Variants in GTF2I observed in about 807,000 individuals in gnomAD.
GTF2I encodes general transcription factor IIi.
GTF2I carries 12 observed loss-of-function variants against 67.6 expected under a neutral mutation model. That is an observed-to-expected ratio of 0.18 (90% CI 0.11 to 0.29). The LOEUF (loss-of-function observed/expected upper bound fraction) is 0.29. Ranked by LOEUF, GTF2I falls within the 10% of genes least tolerant of loss-of-function variation. The pLI, the probability that GTF2I is intolerant of heterozygous loss-of-function variation, is 1.00. For synonymous variants in GTF2I, 149 were observed against 197.0 expected (o/e 0.76, Z 2.04); for missense variants, 271 against 580.1 (o/e 0.47, Z 5.47).
intron 12 of GTF2I, chr7:74,726,405 C>G (rs1793785690): frequency 6.6e-6 from 1 of 152,158 alleles, no homozygotes; most frequent in South Asian, 2.1e-4. Context: ...GAGGTCCAAA[C>G]TTACACACTT....
rs191431945 is a variant in GTF2I at position 74,700,148 on chromosome 7, A to G, written c.374-99A>G. 1.3e-4 allele frequency: 157 copies of G among 1,213,608 alleles called. 2 individuals are homozygous for G. The East Asian group carries it at 3.5e-3, about 27-fold the overall frequency. 75.2% of individuals were successfully genotyped at this position (1,213,608 alleles called of 1,614,324 possible). A position where few individuals can be genotyped will look rare whatever the true frequency, so the allele number is the denominator to read the frequency against. On this transcript the variant is annotated intron_variant, in intron 4 of 34. Coordinates refer to ENST00000573035, the MANE Select transcript of GTF2I (RefSeq NM_032999.4). ...TAATTTTGAAATCATATATTATAAA[A>G]AATCATGGATGCCCTTATTAAGCCA...
chr7:74,684,293 A>G (rs1371438164), intron 1 of GTF2I, among the ~76,000 whole-genome samples: 1 of 152,154 alleles, frequency 6.6e-6, no homozygotes, highest in African/African-American at 2.4e-5. Flanking sequence ...CATAAAAGGG[A>G]TTGAGCATTT....
intron 11 of GTF2I, 97 bp from the exon 12 acceptor site, chr7:74,718,782 A>G (rs1792575475): frequency 1.6e-6 from 1 of 608,412 alleles, no homozygotes; most frequent in South Asian, 2.1e-5. Flanking sequence ...GGATTTTTAT[A>G]GTAGGCTGCT....
At position 74,710,911 on chromosome 7, in the gene GTF2I, A is replaced by G. The variant is rs1370345444; in HGVS notation, c.686-121A>G. The G allele has an allele frequency of 9.1e-6, 5 of 547,232 alleles. No homozygotes were observed. The African/African-American group carries it at 1.0e-4, about 11-fold the overall frequency. The allele number at this position is 547,232 out of a possible 1,614,324, so 33.9% of individuals were successfully genotyped here. On this transcript the variant is annotated intron_variant, in intron 8 of 34. Transcript: ENST00000573035. ...CAAACTTTTGTCTTTTCAAAGACGTAAAGTCTTTACTTAAAATAAATATGC... is the reference window on the plus strand; with the variant it reads ...CAAACTTTTGTCTTTTCAAAGACGTGAAGTCTTTACTTAAAATAAATATGC...
chr7:74,669,049 T>G (rs1298076088), intron 1 of GTF2I, among the ~76,000 whole-genome samples: 2 of 151,982 alleles, frequency 1.3e-5, no homozygotes, highest in African/African-American at 4.8e-5. Context: ...AGAAGGGATC[T>G]TTTATCATGT....
At chr7:74,661,531 T>C (rs1417518637) in intron 1 of GTF2I, among the ~76,000 whole-genome samples, 2 of 151,862 alleles carry the variant, frequency 1.3e-5, no homozygotes, top group African/African-American at 4.8e-5. Flanking sequence ...ATACAAAAAT[T>C]AGCCGGGTGT....
rs375049998 is a variant in GTF2I at position 74,707,111 on chromosome 7, A to C, written c.685+678A>C. Reference sequence around the variant, plus strand: ...GTGATCCTCCTGCCTCAGCCTTCCAAAGTCCTAGGATTACAGGCATAAGCC... The same window carrying C: ...GTGATCCTCCTGCCTCAGCCTTCCACAGTCCTAGGATTACAGGCATAAGCC... On this transcript the variant is annotated intron_variant, in intron 8 of 34. Transcript: ENST00000573035. Among the ~76,000 whole-genome samples, 207 of 152,312 alleles carry C rather than the reference A, an allele frequency of 1.4e-3. 1 individual carries two copies. The highest frequency in any genetic ancestry group is 4.8e-3 in the African/African-American group (199 of 41,562).
intron 3 of GTF2I, among the ~76,000 whole-genome samples, chr7:74,697,224 G>C (rs1438381148): frequency 6.6e-6 from 1 of 151,836 alleles, no homozygotes; most frequent in Non-Finnish European, 1.5e-5. Context: ...GTGAAACCCT[G>C]TCTCTACTAA....
At chr7:74,698,508 C>T (rs987925084) in intron 3 of GTF2I, among the ~76,000 whole-genome samples, 2 of 146,664 alleles carry the variant, frequency 1.4e-5, no homozygotes, top group Non-Finnish European at 3.0e-5. Flanking sequence ...CCTTAAACTT[C>T]TAGACTCAAG....
intron 1 of GTF2I, among the ~76,000 whole-genome samples, chr7:74,661,392 G>A (rs782419505): frequency 1.6e-4 from 25 of 152,098 alleles, no homozygotes; most frequent in Admixed American, 1.4e-3. Context: ...TTTAAAATTA[G>A]ATCTTGGCCG....
intron 1 of GTF2I, among the ~76,000 whole-genome samples, chr7:74,668,343 G>A (rs1194573692): frequency 3.3e-5 from 5 of 151,320 alleles, no homozygotes; most frequent in South Asian, 4.2e-4. Flanking sequence ...GTGTGTGTGT[G>A]TGTGTGTGTG....
intron 12 of GTF2I, among the ~76,000 whole-genome samples, chr7:74,720,851 T>A (rs1405374277): frequency 6.6e-6 from 1 of 151,444 alleles, no homozygotes; most frequent in Non-Finnish European, 1.5e-5. Context: ...CACGCCATTC[T>A]CCTGTAGAGG....
chr7:74,669,087 A>C (rs1469009406), intron 1 of GTF2I, among the ~76,000 whole-genome samples: 2 of 152,010 alleles, frequency 1.3e-5, no homozygotes, highest in Non-Finnish European at 2.9e-5. Flanking sequence ...CATTTATTCA[A>C]CATACTGATG....
At chr7:74,661,453 G>C (rs1804482037) in intron 1 of GTF2I, among the ~76,000 whole-genome samples, 2 of 152,172 alleles carry the variant, frequency 1.3e-5, no homozygotes, top group South Asian at 2.1e-4. Context: ...GCCGAGGGAG[G>C]TGGAACACCT....
intron 6 of GTF2I, among the ~76,000 whole-genome samples, chr7:74,700,992 G>A (rs1290932103): frequency 6.6e-6 from 1 of 152,210 alleles, no homozygotes; most frequent in Non-Finnish European, 1.5e-5. Context: ...TACCACTTTT[G>A]AGAGCTGTGA....
chr7:74,660,661 G>A (rs587662274), intron 1 of GTF2I, among the ~76,000 whole-genome samples: 117 of 103,506 alleles, frequency 1.1e-3, no homozygotes, highest in African/African-American at 4.3e-3. Context: ...CGCTCTCGTT[G>A]CCCAGGCTGG....
At chr7:74,748,435 CTA>C (rs1795578808) in intron 24 of GTF2I, among the ~76,000 whole-genome samples, 3 of 145,042 alleles carry the variant, frequency 2.1e-5, no homozygotes, top group African/African-American at 7.4e-5. Flanking sequence ...GTAGTAGAGA[CTA>C]TAATTTGTGG....
intron 1 of GTF2I, among the ~76,000 whole-genome samples, chr7:74,679,170 C>A (rs1786982988): frequency 6.6e-6 from 1 of 151,932 alleles, no homozygotes; most frequent in African/African-American, 2.4e-5. Flanking sequence ...CCTCCGCCTC[C>A]CGGGTTCAAG....
At chr7:74,689,016 C>A in intron 1 of GTF2I, 108 bp from the exon 2 acceptor site, 1 of 689,340 alleles carries the variant, frequency 1.5e-6, no homozygotes, top group Non-Finnish European at 2.6e-6. Flanking sequence ...GTCTCTAGAG[C>A]AAGAAAACTG....
Sources: allele counts gnomAD v4.1 joint callset (sites outside exome capture counted in the v4.1 genomes callset), GRCh38; gene constraint gnomAD v4.1.1; transcripts MANE v1.5; gene names NCBI Gene and HGNC (gene_info 2026-07-23, HGNC 2026-07-21).